The following RNF150 variants were observed in gnomAD, a reference collection of about 807,000 sequenced individuals.
RNF150 encodes the protein ring finger protein 150.
RNF150 carries 24 observed loss-of-function variants against 39.3 expected under a neutral mutation model. That is an observed-to-expected ratio of 0.61 (90% confidence interval 0.44 to 0.86). RNF150 has a LOEUF of 0.86. Among genes scored for constraint, RNF150 ranks in the 40% least tolerant of loss-of-function variants. The pLI, the probability that RNF150 is intolerant of heterozygous loss-of-function variation, is 0.00. For synonymous variants in RNF150, 255 were observed against 227.3 expected, an observed-to-expected ratio of 1.12 and a Z score of -1.10; for missense variants, 502 against 587.8, an observed-to-expected ratio of 0.85 and a Z score of 1.51.
At chr4:140,913,058 A>G (rs6848867) in intron 5 of RNF150, among the ~76,000 whole-genome samples, 83,834 of 151,776 alleles carry the variant, frequency 0.55, 23,650 homozygotes, top group East Asian at 0.89. Flanking sequence ...CAGATCACGA[A>G]GTCAGGTGAC....
chr4:141,074,563 G>A (rs1737824357), intron 1 of RNF150, among the ~76,000 whole-genome samples: 1 of 152,126 alleles, frequency 6.6e-6, no homozygotes, highest in African/African-American at 2.4e-5. Context: ...GAGGACTAGA[G>A]TAATAAAAGG....
In RNF150 at chr4:141,000,062, GAA is replaced by G. The variant is rs1560679434; in HGVS notation, c.485-32191_485-32190del. Among the ~76,000 whole-genome samples, 37 of 103,480 alleles carry G rather than the reference GAA, an allele frequency of 3.6e-4. 6 individuals are homozygous for G. The highest frequency in any genetic ancestry group is 1.2e-3 in the African/African-American group (34 of 28,034). The allele number at this position is 103,480 out of a possible 152,430, so 67.9% of individuals were successfully genotyped here. A position where few individuals can be genotyped will look rare whatever the true frequency, so the allele number is the denominator to read the frequency against. ...AGAAGAAGAAGAAGAAGAAGAAGAAGAAGAAGAAGAAGAAGAAGAAGAAGGAG... is the reference window on the plus strand; with the variant it reads ...AGAAGAAGAAGAAGAAGAAGAAGAAGGAAGAAGAAGAAGAAGAAGAAGGAG... On this transcript the variant is annotated intron_variant, in intron 1 of 6. Coordinates refer to ENST00000515673, the MANE Select transcript of RNF150 (RefSeq NM_020724.2).
intron 1 of RNF150, among the ~76,000 whole-genome samples, chr4:141,028,599 G>A (rs139212470): frequency 2.3e-3 from 344 of 152,258 alleles, no homozygotes; most frequent in African/African-American, 7.9e-3. Flanking sequence ...AAGCATCAGT[G>A]TAGTATGTAT....
chr4:140,908,877 A>G (rs1160983040), intron 6 of RNF150, among the ~76,000 whole-genome samples: 1 of 152,190 alleles, frequency 6.6e-6, no homozygotes, highest in Non-Finnish European at 1.5e-5. Context: ...AAAATAAGGA[A>G]TCTGACAGAT....
chr4:141,154,007 T>G (rs925760188), intron 1 of RNF150, among the ~76,000 whole-genome samples: 1 of 152,348 alleles, frequency 6.6e-6, no homozygotes, highest in South Asian at 2.1e-4. Flanking sequence ...CCTCAGTTTT[T>G]TCATGTGTAA....
chr4:141,151,767 C>T (rs1408035410), intron 1 of RNF150, among the ~76,000 whole-genome samples: 3 of 152,056 alleles, frequency 2.0e-5, no homozygotes, highest in Admixed American at 2.0e-4. Context: ...TGTTCCTAAT[C>T]TTTGTAACAT....
chr4:140,929,757 T>C (rs949792216), intron 4 of RNF150, among the ~76,000 whole-genome samples: 5 of 152,164 alleles, frequency 3.3e-5, no homozygotes, highest in African/African-American at 1.2e-4. Context: ...AGGCATTTTG[T>C]AGATGTGGTT....
intron 1 of RNF150, among the ~76,000 whole-genome samples, chr4:141,053,326 G>T (rs944764269): frequency 1.8e-4 from 28 of 152,046 alleles, no homozygotes; most frequent in Non-Finnish European, 3.7e-4. Context: ...AAGAATCAGG[G>T]TAAATGTATA....
intron 1 of RNF150, among the ~76,000 whole-genome samples, chr4:141,128,349 G>A (rs191508881): frequency 9.2e-4 from 140 of 152,302 alleles, no homozygotes; most frequent in Non-Finnish European, 1.6e-3. Context: ...AGACCTGGGA[G>A]GTTAACTTGC....
At chr4:141,205,587 T>C (rs988489053) in intron 1 of RNF150, among the ~76,000 whole-genome samples, 1 of 152,108 alleles carries the variant, frequency 6.6e-6, no homozygotes, top group Non-Finnish European at 1.5e-5. Context: ...TGTTCATGAG[T>C]GGGTATTCAT....
rs941093648 is a variant in RNF150 at position 140,868,088 on chromosome 4, G to T, written c.*173C>A. The T allele has an allele frequency of 8.9e-6, 5 of 559,026 alleles. No homozygotes were observed. The highest frequency in any genetic ancestry group is 5.7e-5 in the African/African-American group (3 of 52,410). The allele number at this position is 559,026 out of a possible 1,614,324, so 34.6% of individuals were successfully genotyped here. On this transcript the variant is annotated 3_prime_UTR_variant, in exon 7 of 7. Coordinates refer to ENST00000515673, the MANE Select transcript of RNF150 (RefSeq NM_020724.2). ...AGACTGCCATACCGATGGAGAAACT[G>T]CATCCTGATTGACAAGACTTTGGAT... is the stretch of plus-strand genomic sequence containing the variant.
chr4:140,904,963 G>T (rs1473950662), intron 6 of RNF150, among the ~76,000 whole-genome samples: 1 of 152,260 alleles, frequency 6.6e-6, no homozygotes, highest in Admixed American at 6.5e-5. Flanking sequence ...CCATAGAAAA[G>T]TTTATATTAA....
At chr4:140,903,154 C>G (rs1420945872) in intron 6 of RNF150, among the ~76,000 whole-genome samples, 2 of 152,188 alleles carry the variant, frequency 1.3e-5, no homozygotes, top group Non-Finnish European at 2.9e-5. Flanking sequence ...GTGACTTGTT[C>G]AAGGTCACAC....
At chr4:141,069,951 T>C (rs1331869201) in intron 1 of RNF150, among the ~76,000 whole-genome samples, 1 of 152,160 alleles carries the variant, frequency 6.6e-6, no homozygotes, top group African/African-American at 2.4e-5. Flanking sequence ...TTCTCTCTTT[T>C]TTTCTTTATT....
At chr4:141,139,781 T>G (rs540715800) in intron 1 of RNF150, among the ~76,000 whole-genome samples, 1 of 152,288 alleles carries the variant, frequency 6.6e-6, no homozygotes, top group South Asian at 2.1e-4. Context: ...TGGAGTAACT[T>G]GCCCGAGGCC....
intron 5 of RNF150, among the ~76,000 whole-genome samples, chr4:140,919,841 A>G (rs943246204): frequency 4.5e-4 from 68 of 152,272 alleles, no homozygotes; most frequent in African/African-American, 1.5e-3. Flanking sequence ...AAACAGAGAT[A>G]TAGATCAATG....
At chr4:140,973,589 T>C (rs1167434087) in intron 1 of RNF150, among the ~76,000 whole-genome samples, 2 of 151,896 alleles carry the variant, frequency 1.3e-5, no homozygotes, top group Non-Finnish European at 2.9e-5. Context: ...ACAAGTGGTA[T>C]AAACATGCCG....
rs1466443368 is a variant in RNF150 at position 141,114,230 on chromosome 4, T to C, written c.484+18095A>G. 2.0e-5 allele frequency among the ~76,000 whole-genome samples: 3 copies of C among 152,056 alleles called. No individual in the cohort carries two copies. The East Asian group carries it at 5.8e-4, about 29-fold the overall frequency. The stretch of plus-strand genomic sequence containing the variant: ...ATTGATGAATCCAGGAGCTGGTTTT[T>C]TGAAAAGATTAACAAAGTAGATAGA... On this transcript the variant is annotated intron_variant, in intron 1 of 6. Coordinates refer to ENST00000515673, the MANE Select transcript of RNF150 (RefSeq NM_020724.2).
intron 1 of RNF150, among the ~76,000 whole-genome samples, chr4:141,123,624 C>T (rs1195939353): frequency 6.6e-6 from 1 of 152,158 alleles, no homozygotes; most frequent in East Asian, 1.9e-4. Flanking sequence ...CATATGTATA[C>T]ATGTGCCATG....
Sources: gnomAD v4.1 joint callset for allele counts (sites outside exome capture counted in the v4.1 genomes callset) on GRCh38, gnomAD v4.1.1 for gene constraint, MANE v1.5 for transcripts, NCBI Gene and HGNC (gene_info 2026-07-23, HGNC 2026-07-21) for gene names.